LACTBL1: variants seen among roughly 807,000 people sequenced by gnomAD.
LACTBL1 encodes the protein lactamase beta like 1.
In LACTBL1, 29 loss-of-function variants were observed where a neutral mutation model predicts 39.6. That is an observed-to-expected ratio of 0.73 (90% CI 0.55 to 1.00). LACTBL1 has a LOEUF of 1.00. Among genes scored for constraint, LACTBL1 ranks in the 50% least tolerant of loss-of-function variants. The pLI is 0.00. For synonymous variants in LACTBL1, 361 were observed against 360.7 expected (o/e 1.00, Z -0.01); for missense variants, 711 against 748.5 (o/e 0.95, Z 0.59).
exon 4 of LACTBL1, chr1:22,958,792 C>A: frequency 6.4e-7 from 1 of 1,550,668 alleles, no homozygotes; most frequent in Non-Finnish European, 8.7e-7. Context: ...TGATGCCAGG[C>A]CCAGCGGGTT....
At chr1:22,958,590 C>T in intron 4 of LACTBL1, 95 bp downstream of exon 6, 1 of 1,072,908 alleles carries the variant, frequency 9.3e-7, no homozygotes, top group Non-Finnish European at 1.3e-6. Flanking sequence ...GGAAGCAGAG[C>T]CAAGAGTGAG....
chr1:22,956,792 C>A (rs1372914862), intron 4 of LACTBL1, among the ~76,000 whole-genome samples: 2 of 152,010 alleles, frequency 1.3e-5, no homozygotes, highest in East Asian at 3.8e-4. Context: ...TTGTCGACTT[C>A]ATCTTGACTT....
At chr1:22,969,607 C>T (rs1640918210), upstream of LACTBL1, among the ~76,000 whole-genome samples, 1 of 152,124 alleles carries the variant, frequency 6.6e-6, no homozygotes, top group Non-Finnish European at 1.5e-5. Flanking sequence ...TTCCCTGCCC[C>T]TCCCCTGCCC....
upstream of LACTBL1, among the ~76,000 whole-genome samples, chr1:22,969,791 C>T (rs1285447813): frequency 6.6e-6 from 1 of 152,152 alleles, no homozygotes; most frequent in Non-Finnish European, 1.5e-5. Flanking sequence ...GGCAGAGCCG[C>T]TCATGGTAAC....
upstream of LACTBL1, among the ~76,000 whole-genome samples, chr1:22,969,732 C>G (rs1640919637): frequency 6.6e-6 from 1 of 151,680 alleles, no homozygotes; most frequent in African/African-American, 2.4e-5. Context: ...AAACTGTGTT[C>G]TTCCCTTAAC....
chr1:22,971,439 C>T, the LACTBL1 span, among the ~76,000 whole-genome samples: 1 of 152,172 alleles, frequency 6.6e-6, no homozygotes, highest in Non-Finnish European at 1.5e-5. Context: ...CTGGAAATTG[C>T]TGGCAGTAGG....
chr1:22,953,806 C>T (rs1458044680), exon 6 of LACTBL1: 2 of 1,545,864 alleles, frequency 1.3e-6, no homozygotes, highest in East Asian at 2.5e-5. Context: ...GCCCGACGGC[C>T]GGTACCAGCC....
chr1:22,969,138 T>G (rs182606464), upstream of LACTBL1, among the ~76,000 whole-genome samples: 1 of 152,310 alleles, frequency 6.6e-6, no homozygotes, highest in Admixed American at 6.5e-5. Context: ...GTTGCCAAAT[T>G]TATCAGTATT....
the LACTBL1 span, chr1:22,972,409 A>G: frequency 2.0e-6 from 2 of 985,216 alleles, no homozygotes. Flanking sequence ...AGAGGAGTGA[A>G]GGCAAAAAGA....
At chr1:22,954,438 C>T (rs889648084) in intron 5 of LACTBL1, among the ~76,000 whole-genome samples, 9 of 152,184 alleles carry the variant, frequency 5.9e-5, no homozygotes, top group African/African-American at 1.9e-4. Context: ...TTCTTCCAGG[C>T]TGTAGCAGAC....
chr1:22,967,717 T>C (rs569640699), upstream of LACTBL1, among the ~76,000 whole-genome samples: 1 of 152,314 alleles, frequency 6.6e-6, no homozygotes, highest in Admixed American at 6.5e-5. Flanking sequence ...CACTCGACTT[T>C]GTTGAATCTC....
chr1:22,957,337 C>G (rs1317468059), intron 4 of LACTBL1, among the ~76,000 whole-genome samples: 3 of 152,158 alleles, frequency 2.0e-5, no homozygotes, highest in Non-Finnish European at 4.4e-5. Context: ...TATTATACAT[C>G]CCCCATGCCA....
chr1:22,954,644 A>G (rs1640743704), intron 5 of LACTBL1, among the ~76,000 whole-genome samples: 1 of 152,186 alleles, frequency 6.6e-6, no homozygotes, highest in South Asian at 2.1e-4. Flanking sequence ...TGCACCACCC[A>G]AGGTCACATT....
chr1:22,968,362 C>A (rs190552540), upstream of LACTBL1, among the ~76,000 whole-genome samples: 2 of 152,282 alleles, frequency 1.3e-5, no homozygotes, highest in East Asian at 3.9e-4. Context: ...AACTTAGCCA[C>A]ATACTATTCT....
intron 2 of LACTBL1, among the ~76,000 whole-genome samples, chr1:22,961,517 C>T (rs1369960319): frequency 1.3e-5 from 2 of 152,086 alleles, no homozygotes; most frequent in Non-Finnish European, 2.9e-5. Flanking sequence ...TCATATGCCA[C>T]CACGTGTGGC....
chr1:22,953,712 G>C (rs562202016), exon 6 of LACTBL1: 16,377 of 1,325,550 alleles, frequency 0.012, 126 homozygotes, highest in Non-Finnish European at 0.014. Context: ...TCTTGGCCGC[G>C]TCGGGCCGCA....
chr1:22,953,264 G>A lies in LACTBL1; in HGVS notation c.1420C>T (p.Arg474Cys), dbSNP rs1002916650. Residue 474 changes from arginine to cysteine, a missense_variant, in exon 6 of 6, where the codon CGC becomes TGC. Coordinates refer to ENST00000426928, the Ensembl canonical transcript of LACTBL1. Reference sequence around the variant, plus strand: ...TGGAAGACGCGGCCGTGCAGGTGGCGCAGCGCCAGGGTGCGGAACGCTGGA... The same window carrying A: ...TGGAAGACGCGGCCGTGCAGGTGGCACAGCGCCAGGGTGCGGAACGCTGGA... 8.9e-6 allele frequency: 11 copies of A among 1,231,490 alleles called. No homozygotes were observed. The African/African-American group carries it at 1.7e-4, about 19-fold the overall frequency. The allele number at this position is 1,231,490 out of a possible 1,614,324, so 76.3% of individuals were successfully genotyped here.
chr1:22,962,724 C>A (rs1640837982), intron 2 of LACTBL1, among the ~76,000 whole-genome samples: 1 of 152,096 alleles, frequency 6.6e-6, no homozygotes, highest in Non-Finnish European at 1.5e-5. Context: ...GGTCCCTCAC[C>A]ACACACATGT....
chr1:22,972,802 C>G, the LACTBL1 span: 1 of 901,544 alleles, frequency 1.1e-6, no homozygotes. Context: ...AAGAACAGGG[C>G]AGTTAGGGCC....
Sources: allele counts gnomAD v4.1 joint callset (sites outside exome capture counted in the v4.1 genomes callset), GRCh38; gene constraint gnomAD v4.1.1; transcripts MANE v1.5; gene names NCBI Gene and HGNC (gene_info 2026-07-23, HGNC 2026-07-21).